The following BDH1 variants were observed in gnomAD, a reference collection of about 807,000 sequenced individuals.
The protein encoded by BDH1 is 3-hydroxybutyrate dehydrogenase 1.
A neutral mutation model predicts 33.1 loss-of-function variants in BDH1; 30 were observed. The ratio of observed to expected loss-of-function variants is 0.91; its 90% CI spans 0.68 to 1.23. The LOEUF (loss-of-function observed/expected upper bound fraction) is 1.23, where lower values mean the gene tolerates loss of function less well. BDH1 is among the 50% of genes most tolerant of loss of function. BDH1 has a pLI of 0.00. For missense variants in BDH1, 443 were observed against 464.4 expected (o/e 0.95, Z 0.42); for synonymous variants, 190 against 183.6 (o/e 1.03, Z -0.28).
In BDH1 at chr3:197,528,761, C is replaced by T. The variant is rs1042793036; in HGVS notation, c.267+3651G>A. On this transcript the variant is annotated intron_variant, in intron 5 of 7. Coordinates refer to ENST00000392379, the MANE Select transcript of BDH1 (RefSeq NM_203314.3). This position sits in a 1 kb window ranked among gnomAD's most constrained non-coding sequence, Gnocchi z 5.1. ...TTGCAGGAGTGGAAGGATCTAAGAT[C>T]ACCAGTCCAATCCTATTAGGGTAAG... is the stretch of plus-strand genomic sequence containing the variant. 6.6e-6 allele frequency: 1 copy of T among 152,252 alleles called. No homozygotes were observed. The highest frequency in any genetic ancestry group is 2.4e-5 in the African/African-American group (1 of 41,460). 9.4% of individuals were successfully genotyped at this position (152,252 alleles called of 1,614,324 possible). A position where few individuals can be genotyped will look rare whatever the true frequency, so the allele number is the denominator to read the frequency against.
chr3:197,547,836 A>G (rs1163598254), intron 2 of BDH1, among the ~76,000 whole-genome samples: 1 of 151,458 alleles, frequency 6.6e-6, no homozygotes, highest in Non-Finnish European at 1.5e-5. Context: ...CCTGCCTCAG[A>G]GTACCGGCTC....
At position 197,514,247 on chromosome 3, in the gene BDH1, C is replaced by T. The variant is rs760700770; in HGVS notation, c.562+17G>A. 1 of 1,603,560 alleles carries T rather than the reference C, an allele frequency of 6.2e-7. No individual in the cohort carries two copies. The highest frequency in any genetic ancestry group is 8.5e-7 in the Non-Finnish European group (1 of 1,173,344). On this transcript the variant is annotated intron_variant, in intron 7 of 7. Coordinates refer to ENST00000392379, the MANE Select transcript of BDH1 (RefSeq NM_203314.3). This position sits in a 1 kb window ranked among gnomAD's most constrained non-coding sequence, Gnocchi z 4.2. ...GGGCAGGTTCAGGGGCAGGAGGGAG[C>T]TCCCTTTCCCACTCACCTTTGGCCC...
At chr3:197,561,661 C>A (rs1039103174) in intron 1 of BDH1, among the ~76,000 whole-genome samples, 1 of 152,080 alleles carries the variant, frequency 6.6e-6, no homozygotes, top group Non-Finnish European at 1.5e-5. Flanking sequence ...GTTCTGGTTG[C>A]TTTCCCATCA....
At chr3:197,553,111 T>C (rs1004913944) in intron 2 of BDH1, among the ~76,000 whole-genome samples, 1 of 150,662 alleles carries the variant, frequency 6.6e-6, no homozygotes, top group Non-Finnish European at 1.5e-5. Flanking sequence ...AGAGACGGAG[T>C]TTCACCATGT....
chr3:197,544,435 A>T (rs1228413706), intron 3 of BDH1, among the ~76,000 whole-genome samples: 1 of 152,232 alleles, frequency 6.6e-6, no homozygotes, highest in Non-Finnish European at 1.5e-5. Flanking sequence ...AAGTATTTTA[A>T]CTTCATGTGG....
chr3:197,552,616 C>T (rs1018485385), intron 2 of BDH1, among the ~76,000 whole-genome samples: 1 of 152,164 alleles, frequency 6.6e-6, no homozygotes, highest in African/African-American at 2.4e-5. Flanking sequence ...TTCCCTCTAC[C>T]TAGAACACTC....
upstream of BDH1, among the ~76,000 whole-genome samples, chr3:197,556,896 C>T (rs1318894009): frequency 6.6e-6 from 1 of 152,138 alleles, no homozygotes; most frequent in Non-Finnish European, 1.5e-5. Context: ...GGCGAAGCTA[C>T]GCGAAAGGAA....
At chr3:197,532,553 A>G (rs1478796035) in intron 4 of BDH1, 31 bp from the exon 5 acceptor site, 3 of 1,566,684 alleles carry the variant, frequency 1.9e-6, no homozygotes, top group Non-Finnish European at 2.6e-6. Flanking sequence ...CCATGTTAGG[A>G]ACCGGTGGTA....
intron 1 of BDH1, among the ~76,000 whole-genome samples, chr3:197,570,858 G>A (rs1025425072): frequency 5.9e-5 from 9 of 152,206 alleles, no homozygotes; most frequent in Non-Finnish European, 8.8e-5. Context: ...TGCCTAGTGC[G>A]GCTGTGAGAG....
Position 197,510,801 on chromosome 3 carries a change from C to A in BDH1, c.*1094G>T, listed in dbSNP as rs1333567853. 6.6e-6 allele frequency: 1 copy of A among 152,198 alleles called. No individual in the cohort carries two copies. The highest frequency in any genetic ancestry group is 1.5e-5 in the Non-Finnish European group (1 of 68,334). The allele number at this position is 152,198 out of a possible 1,614,324, so 9.4% of individuals were successfully genotyped here. On this transcript the variant is annotated 3_prime_UTR_variant, in exon 8 of 8. Transcript: ENST00000392379. ...GATGCCACAGTGCCCTGCCATGGCACCACTGCTCGTGCCAAGCCTGCCCCA... is the reference window on the plus strand; with the variant it reads ...GATGCCACAGTGCCCTGCCATGGCAACACTGCTCGTGCCAAGCCTGCCCCA...
At chr3:197,569,865 C>T (rs1433743976) in intron 1 of BDH1, among the ~76,000 whole-genome samples, 2 of 152,158 alleles carry the variant, frequency 1.3e-5, no homozygotes, top group Non-Finnish European at 2.9e-5. Flanking sequence ...TAGAGTGGGG[C>T]ACTGCTGTCA....
rs1246323877 is a variant in BDH1, at chr3:197,522,197, C to A, written c.409+443G>T. On this transcript the variant is annotated intron_variant, in intron 6 of 7. Coordinates refer to ENST00000392379, the MANE Select transcript of BDH1 (RefSeq NM_203314.3). This position sits in a 1 kb window ranked among gnomAD's most constrained non-coding sequence, Gnocchi z 4.8. Reference sequence around the variant, plus strand: ...TTAACTGGCCTATTTCCACTGCGCCCCCATGGCTGGACTGACCCCTCCTTC... The same window carrying A: ...TTAACTGGCCTATTTCCACTGCGCCACCATGGCTGGACTGACCCCTCCTTC... 6.6e-6 allele frequency among the ~76,000 whole-genome samples: 1 copy of A among 152,214 alleles called. No homozygotes were observed. Among genetic ancestry groups the A allele is most frequent in the East Asian group, 1.9e-4 (1 of 5,196 alleles).
chr3:197,564,912 G>T (rs1309459343), intron 1 of BDH1, among the ~76,000 whole-genome samples: 1 of 151,904 alleles, frequency 6.6e-6, no homozygotes, highest in Non-Finnish European at 1.5e-5. Flanking sequence ...TTCCTGCTGT[G>T]TTTTGTTTTT....
chr3:197,540,514 C>A (rs1300528321), intron 3 of BDH1, among the ~76,000 whole-genome samples: 1 of 151,656 alleles, frequency 6.6e-6, no homozygotes, highest in African/African-American at 2.4e-5. Flanking sequence ...ACTAAAAATA[C>A]AAAAATTAGC....
Position 197,547,758 on chromosome 3 carries a change from C to G in BDH1, c.-43-1272G>C, listed in dbSNP as rs1716204623. The stretch of plus-strand genomic sequence containing the variant: ...GGAGGCCCCTAGCTCACTGGGCCAC[C>G]CTCCTCTTTGCTCACTGCGTCGCAG... On this transcript the variant is annotated intron_variant, in intron 2 of 7. Coordinates refer to ENST00000392379, the MANE Select transcript of BDH1 (RefSeq NM_203314.3). Among the ~76,000 whole-genome samples the G allele has an allele frequency of 2.6e-5, 4 of 152,226 alleles. No individual in the cohort carries two copies. The South Asian group carries it at 8.3e-4, about 32-fold the overall frequency.
Position 197,512,245 on chromosome 3 carries a change from G to T in BDH1, c.682C>A (p.Pro228Thr), listed in dbSNP as rs768975972. The change falls in exon 8 of 8, where the codon CCC becomes ACC. Residue 228 changes from proline (P) to threonine (T), a missense_variant. Physicochemically the swap from Pro to Thr is conservative, Grantham distance 38. Coordinates refer to ENST00000392379, the MANE Select transcript of BDH1 (RefSeq NM_203314.3). ...FSDCLRYEMY[P>T]LGVKVSVVEP... ...ACCACGCTGACCTTCACGCCCAGGG[G>T]GTACATCTCATAGCGCAGGCAGTCC... The T allele has an allele frequency of 1.2e-6, 2 of 1,613,596 alleles. No homozygotes were observed. The highest frequency in any genetic ancestry group is 1.1e-5 in the South Asian group (1 of 91,090).
chr3:197,531,437 GTGTATATATATATATACATATA>G (rs1260146711), intron 5 of BDH1, among the ~76,000 whole-genome samples: 1 of 145,400 alleles, frequency 6.9e-6, no homozygotes, highest in Admixed American at 6.9e-5. Flanking sequence ...ATATATATAT[GTGTATATATATATATACATATA>G]TGTATATATA....
At chr3:197,534,709 A>G (rs1332068737) in intron 3 of BDH1, among the ~76,000 whole-genome samples, 1 of 152,156 alleles carries the variant, frequency 6.6e-6, no homozygotes, top group Non-Finnish European at 1.5e-5. Context: ...TGTCTGAACA[A>G]CCCAGTTTCC....
At position 197,514,065 on chromosome 3, in the gene BDH1, C is replaced by T; in HGVS notation, c.562+199G>A. ...GCATGGACCACTGACCTCTTACCTG[C>T]TCTGCTTCCTCCTCCCCTACCCGGC... On this transcript the variant is annotated intron_variant, in intron 7 of 7. Transcript: ENST00000392379. This position sits in a 1 kb window ranked among gnomAD's most constrained non-coding sequence, Gnocchi z 4.2. 6.2e-6 allele frequency: 4 copies of T among 645,050 alleles called. No homozygotes were observed. Among genetic ancestry groups the T allele is most frequent in the Non-Finnish European group, 7.6e-6 (3 of 393,412 alleles). 40.0% of individuals were successfully genotyped at this position (645,050 alleles called of 1,614,324 possible).
Sources: allele counts gnomAD v4.1 joint callset (sites outside exome capture counted in the v4.1 genomes callset), GRCh38; gene constraint gnomAD v4.1.1; non-coding constraint Gnocchi (gnomAD v3.1); transcripts MANE v1.5; gene names NCBI Gene and HGNC (gene_info 2026-07-23, HGNC 2026-07-21).